SLC41A3: variants seen among roughly 807,000 people sequenced by gnomAD.
The protein encoded by SLC41A3 is SLC41A1-like 2.
In SLC41A3, 44 loss-of-function variants were observed where a neutral mutation model predicts 45.4. The ratio of observed to expected loss-of-function variants is 0.97; its 90% CI spans 0.76 to 1.25. SLC41A3 has a LOEUF of 1.25. Ranked by LOEUF, SLC41A3 falls within the 50% of genes most tolerant of loss-of-function variation. The probability of loss-of-function intolerance (pLI) is 0.00; values close to 1 mark genes in which losing one functional copy is unlikely to be tolerated. For synonymous variants in SLC41A3, 256 were observed against 252.4 expected (o/e 1.01, Z -0.13); for missense variants, 550 against 600.6 (o/e 0.92, Z 0.88).
Position 126,033,696 on chromosome 3 carries a change from G to A in SLC41A3, c.382-18C>T, listed in dbSNP as rs1443314952. 6.2e-7 allele frequency: 1 copy of A among 1,610,560 alleles called. No individual in the cohort carries two copies. Among genetic ancestry groups the A allele is most frequent in the Non-Finnish European group, 8.5e-7 (1 of 1,178,916 alleles). The stretch of plus-strand genomic sequence containing the variant: ...GTGTTGGCCTAGAATGAAGAGAAAA[G>A]GACAAAGGTAGGACTGGCTAGGCCC... On this transcript the variant is annotated intron_variant, in intron 3 of 10. Transcript: ENST00000360370.
chr3:126,008,617 C>T, intron 10 of SLC41A3, 115 bp downstream of exon 10: 2 of 1,427,316 alleles, frequency 1.4e-6, no homozygotes, highest in Non-Finnish European at 1.9e-6. Context: ...AAGGACTGTG[C>T]CCCACACGTC....
In SLC41A3 at chr3:126,022,808, G is replaced by T. The variant is rs1941009790; in HGVS notation, c.723C>A (p.Ser241Arg). ...LITLSILALV[S>R]SFFYRHKDSR... ...TACCTTTGTGTCTGTAGAAGAAGCTGCTAACCAAAGCCAGAATGGACAGTG... is the reference window on the plus strand; with the variant it reads ...TACCTTTGTGTCTGTAGAAGAAGCTTCTAACCAAAGCCAGAATGGACAGTG... The change falls in exon 6 of 11, where the codon AGC (serine) becomes AGA (arginine). Residue 241 changes from serine (S) to arginine (R), a missense_variant. Coordinates refer to ENST00000360370, the MANE Select transcript of SLC41A3 (RefSeq NM_017836.4). 7 of 1,614,102 alleles carry T rather than the reference G, an allele frequency of 4.3e-6. No individual in the cohort carries two copies. Among genetic ancestry groups the T allele is most frequent in the Non-Finnish European group, 5.9e-6 (7 of 1,180,050 alleles).
chr3:126,092,614 T>C (rs1945511196), intron 1 of SLC41A3: 2 of 153,156 alleles, frequency 1.3e-5, no homozygotes, highest in African/African-American at 2.4e-5. Context: ...GCAAGTGGCG[T>C]CCATTGTGGG....
intron 3 of SLC41A3, among the ~76,000 whole-genome samples, chr3:126,037,957 T>C (rs1205875463): frequency 6.6e-6 from 1 of 152,208 alleles, no homozygotes; most frequent in East Asian, 1.9e-4. Context: ...GCTCCCAACA[T>C]CCCTGGCTGT....
intron 4 of SLC41A3, among the ~76,000 whole-genome samples, chr3:126,027,233 T>C (rs1242993510): frequency 6.6e-6 from 1 of 152,132 alleles, no homozygotes; most frequent in East Asian, 1.9e-4. Flanking sequence ...CAGTTTCTCA[T>C]GGTTTAACAT....
At chr3:126,025,815 A>T (rs537485184) in intron 5 of SLC41A3, 1 of 152,878 alleles carries the variant, frequency 6.5e-6, no homozygotes, top group Admixed American at 6.5e-5. Flanking sequence ...CAAGCCGCTG[A>T]CTGGGGGCTC....
chr3:126,084,375 T>C (rs964996872), upstream of SLC41A3: 1 of 152,114 alleles, frequency 6.6e-6, no homozygotes, highest in Non-Finnish European at 1.5e-5. Flanking sequence ...GGGGCCCCAC[T>C]GGCGCCCCCG....
intron 1 of SLC41A3, among the ~76,000 whole-genome samples, chr3:126,083,031 TA>T (rs1483997080): frequency 1.3e-5 from 2 of 152,246 alleles, no homozygotes; most frequent in African/African-American, 4.8e-5. Context: ...CTCTGTTGCC[TA>T]ATCTGTGAAA....
intron 2 of SLC41A3, among the ~76,000 whole-genome samples, chr3:126,065,919 T>C (rs1944325108): frequency 1.3e-5 from 2 of 152,032 alleles, no homozygotes; most frequent in African/African-American, 2.4e-5. Context: ...CCTCAACCTG[T>C]CTCACTCATA....
chr3:126,037,900 T>C (rs1041847020), intron 3 of SLC41A3, among the ~76,000 whole-genome samples: 11 of 151,932 alleles, frequency 7.2e-5, no homozygotes, highest in Non-Finnish European at 1.3e-4. Context: ...GAGGAAAGAA[T>C]GGTTTTGGGG....
intron 3 of SLC41A3, among the ~76,000 whole-genome samples, chr3:126,035,584 C>T (rs1024965621): frequency 2.0e-5 from 3 of 152,192 alleles, no homozygotes; most frequent in Admixed American, 6.5e-5. Context: ...GGGTGAAAAG[C>T]CAATGCGCAG....
At chr3:126,070,234 C>T (rs113072423) in intron 1 of SLC41A3, 160 of 152,340 alleles carry the variant, frequency 1.1e-3, no homozygotes, top group African/African-American at 3.7e-3. Context: ...CCCCAACCCC[C>T]GTTGGGAACT....
chr3:126,036,051 C>T (rs777793594), intron 3 of SLC41A3, among the ~76,000 whole-genome samples: 1 of 152,134 alleles, frequency 6.6e-6, no homozygotes, highest in East Asian at 1.9e-4. Context: ...GGCCCTTCCT[C>T]GATGTGCATT....
intron 7 of SLC41A3, among the ~76,000 whole-genome samples, chr3:126,016,165 C>A (rs1201377876): frequency 2.6e-5 from 4 of 152,226 alleles, no homozygotes; most frequent in Non-Finnish European, 5.9e-5. Context: ...ACAGGGGTGG[C>A]CCCCATCAAG....
chr3:126,081,556 T>C (rs1945153193), intron 1 of SLC41A3, among the ~76,000 whole-genome samples: 1 of 152,288 alleles, frequency 6.6e-6, no homozygotes, highest in Non-Finnish European at 1.5e-5. Flanking sequence ...TTGCACTGAT[T>C]TGATCTTTAC....
At chr3:126,041,366 A>G (rs918516684) in intron 3 of SLC41A3, among the ~76,000 whole-genome samples, 3 of 152,250 alleles carry the variant, frequency 2.0e-5, no homozygotes, top group African/African-American at 7.2e-5. Flanking sequence ...TCCAAGATAC[A>G]TGCAAGATAA....
intron 1 of SLC41A3, among the ~76,000 whole-genome samples, chr3:126,093,314 T>TA (rs2108134053): frequency 6.6e-6 from 1 of 152,364 alleles, no homozygotes; most frequent in Non-Finnish European, 1.5e-5. Flanking sequence ...AACATTGGGC[T>TA]AATCAGTGTA....
At chr3:126,043,433 G>A (rs1338614822) in intron 3 of SLC41A3, among the ~76,000 whole-genome samples, 1 of 151,972 alleles carries the variant, frequency 6.6e-6, no homozygotes, top group Admixed American at 6.5e-5. Flanking sequence ...TGCCAGACAG[G>A]AACTTGAAGC....
intron 8 of SLC41A3, among the ~76,000 whole-genome samples, chr3:126,015,281 T>G (rs1341099163): frequency 7.9e-5 from 12 of 152,198 alleles, no homozygotes; most frequent in Non-Finnish European, 1.5e-4. Flanking sequence ...TCTGAGCTGC[T>G]GCGAACAGTG....
Sources: gnomAD v4.1 joint callset for allele counts (sites outside exome capture counted in the v4.1 genomes callset) on GRCh38, gnomAD v4.1.1 for gene constraint, MANE v1.5 for transcripts, NCBI Gene and HGNC (gene_info 2026-07-23, HGNC 2026-07-21) for gene names.